The following CMSS1 variants were observed in gnomAD, a reference collection of about 807,000 sequenced individuals.
CMSS1 encodes protein CMSS1.
In CMSS1, 33 loss-of-function variants were observed where a neutral mutation model predicts 43.5. That is an observed-to-expected ratio of 0.76 (90% confidence interval 0.57 to 1.01). The LOEUF is 1.01. Among genes scored for constraint, CMSS1 ranks in the 50% least tolerant of loss-of-function variants. The probability of loss-of-function intolerance (pLI) is 0.00; values close to 1 mark genes in which losing one functional copy is unlikely to be tolerated. For missense variants in CMSS1, 313 were observed against 326.4 expected, an observed-to-expected ratio of 0.96 and a Z score of 0.32; for synonymous variants, 115 against 117.2, an observed-to-expected ratio of 0.98 and a Z score of 0.12.
chr3:99,832,560 A>AGG (rs1553686269), intron 1 of CMSS1, among the ~76,000 whole-genome samples: 7 of 120,808 alleles, frequency 5.8e-5, no homozygotes, highest in Admixed American at 4.8e-4. Flanking sequence ...AAAAAAAAAA[A>AGG]GGCCTAGCGC....
At chr3:99,913,695 T>C (rs1364544690) in intron 1 of CMSS1, among the ~76,000 whole-genome samples, 1 of 152,202 alleles carries the variant, frequency 6.6e-6, no homozygotes, top group African/African-American at 2.4e-5. Context: ...TCATGGTGGA[T>C]TATCTTTGAG....
At chr3:100,118,773 G>GTATC (rs1559763582) in intron 1 of CMSS1, among the ~76,000 whole-genome samples, 1 of 152,044 alleles carries the variant, frequency 6.6e-6, no homozygotes, top group Non-Finnish European at 1.5e-5. Context: ...CCAAAAATAG[G>GTATC]TATCTGTATG....
At position 100,179,807 on chromosome 3, in the gene CMSS1, G is replaced by A. The variant is rs2067173812; in HGVS notation, c.*1419G>A. The A allele has an allele frequency of 2.0e-5, 3 of 152,224 alleles. No individual in the cohort carries two copies. The highest frequency in any genetic ancestry group is 4.1e-4 in the South Asian group (2 of 4,828). 9.4% of individuals were successfully genotyped at this position (152,224 alleles called of 1,614,324 possible). ...GTGCCCCAGTGGGGACTCTGTGTAG[G>A]GTCTCCAACCCCACATTTCCCCTCT... On this transcript the variant is annotated 3_prime_UTR_variant, in exon 10 of 10. Coordinates refer to ENST00000421999, the MANE Select transcript of CMSS1 (RefSeq NM_032359.4).
chr3:99,957,810 AT>A (rs2107698154), intron 1 of CMSS1, among the ~76,000 whole-genome samples: 1 of 148,520 alleles, frequency 6.7e-6, no homozygotes, highest in Non-Finnish European at 1.5e-5. Flanking sequence ...TTTTTCACAC[AT>A]AGCTTGTTTT....
At chr3:100,035,274 GTATTAT>G (rs1232574387) in intron 1 of CMSS1, among the ~76,000 whole-genome samples, 1 of 151,832 alleles carries the variant, frequency 6.6e-6, no homozygotes, top group Admixed American at 6.6e-5. Flanking sequence ...TAAATTATTA[GTATTAT>G]TATTATTATT....
intron 1 of CMSS1, among the ~76,000 whole-genome samples, chr3:100,014,986 T>G (rs1710297615): frequency 6.7e-6 from 1 of 150,260 alleles, no homozygotes; most frequent in Non-Finnish European, 1.5e-5. Flanking sequence ...CAAGAAGCTT[T>G]TTCCCCATGT....
chr3:99,945,479 G>A (rs1707981734), intron 1 of CMSS1, among the ~76,000 whole-genome samples: 1 of 152,216 alleles, frequency 6.6e-6, no homozygotes, highest in South Asian at 2.1e-4. Flanking sequence ...TGTTGACTAA[G>A]GAGGGTGGCT....
chr3:99,827,968 T>G (rs1306632700), intron 1 of CMSS1, among the ~76,000 whole-genome samples: 2 of 152,206 alleles, frequency 1.3e-5, no homozygotes, highest in Admixed American at 1.3e-4. Flanking sequence ...CCTCTTAAAC[T>G]TATGCTAGCT....
At position 100,000,266 on chromosome 3, in the gene CMSS1, G is replaced by A. The variant is rs114141441; in HGVS notation, c.65-146707G>A. On this transcript the variant is annotated intron_variant, in intron 1 of 9. Coordinates refer to ENST00000421999, the MANE Select transcript of CMSS1 (RefSeq NM_032359.4). ...TGACCTTGCTTTTTGTAGGAAAAAA[G>A]TCATCCAAAGGGGCCTCCTCTATCA... Among the ~76,000 whole-genome samples, 937 of 152,244 alleles carry A rather than the reference G, an allele frequency of 6.2e-3. 6 individuals carry two copies. Among genetic ancestry groups the A allele is most frequent in the African/African-American group, 0.018 (742 of 41,550 alleles).
intron 1 of CMSS1, among the ~76,000 whole-genome samples, chr3:100,144,518 T>C (rs2066831296): frequency 6.6e-6 from 1 of 152,188 alleles, no homozygotes; most frequent in Non-Finnish European, 1.5e-5. Context: ...CAGCTCCCAG[T>C]TTGTCTCCAA....
At chr3:99,853,931 A>G (rs1302207879) in intron 1 of CMSS1, among the ~76,000 whole-genome samples, 2 of 152,234 alleles carry the variant, frequency 1.3e-5, no homozygotes, top group Non-Finnish European at 2.9e-5. Context: ...TGAGAGCAGG[A>G]GGCCCTGATG....
intron 1 of CMSS1, among the ~76,000 whole-genome samples, chr3:99,952,878 GA>G (rs1437569837): frequency 2.0e-5 from 3 of 152,046 alleles, no homozygotes; most frequent in Non-Finnish European, 4.4e-5. Flanking sequence ...TCTGCATAAT[GA>G]AAAAAAGAAT....
chr3:99,948,454 G>A (rs979325581), intron 1 of CMSS1, among the ~76,000 whole-genome samples: 2 of 151,498 alleles, frequency 1.3e-5, no homozygotes, highest in African/African-American at 2.4e-5. Context: ...AGAAGGATCA[G>A]GATCACCTAA....
chr3:100,173,187 A>G (rs1262554650), intron 8 of CMSS1, among the ~76,000 whole-genome samples: 6 of 152,234 alleles, frequency 3.9e-5, no homozygotes, highest in Admixed American at 2.0e-4. Flanking sequence ...GTTTCTCTCC[A>G]GATGAAAATC....
chr3:99,843,462 T>A (rs1264738015), intron 1 of CMSS1, among the ~76,000 whole-genome samples: 2 of 152,200 alleles, frequency 1.3e-5, no homozygotes, highest in African/African-American at 4.8e-5. Flanking sequence ...CATTTCCTAC[T>A]ACAGATGTAA....
At chr3:99,922,368 C>T (rs1406940331) in intron 1 of CMSS1, among the ~76,000 whole-genome samples, 1 of 152,156 alleles carries the variant, frequency 6.6e-6, no homozygotes, top group Non-Finnish European at 1.5e-5. Flanking sequence ...ATTTCTTGTG[C>T]TCCTTTAATC....
chr3:100,059,623 C>T (rs878928668), intron 1 of CMSS1, among the ~76,000 whole-genome samples: 4 of 152,048 alleles, frequency 2.6e-5, no homozygotes, highest in South Asian at 2.1e-4. Flanking sequence ...AGCCAGAAGG[C>T]GGGGGCCAAG....
chr3:99,982,028 T>C (rs1339820066), intron 1 of CMSS1, among the ~76,000 whole-genome samples: 1 of 151,890 alleles, frequency 6.6e-6, no homozygotes, highest in African/African-American at 2.4e-5. Flanking sequence ...CTGATAAACA[T>C]AATATGCTCT....
At chr3:100,028,462 G>A (rs2064966402) in intron 1 of CMSS1, among the ~76,000 whole-genome samples, 1 of 152,104 alleles carries the variant, frequency 6.6e-6, no homozygotes, top group Admixed American at 6.6e-5. Flanking sequence ...GTTGTTCCTT[G>A]TAAGTTTAAT....
Sources: gnomAD v4.1 joint callset for allele counts (sites outside exome capture counted in the v4.1 genomes callset) on GRCh38, gnomAD v4.1.1 for gene constraint, MANE v1.5 for transcripts, NCBI Gene and HGNC (gene_info 2026-07-23, HGNC 2026-07-21) for gene names.